VPS13A: variants seen among roughly 807,000 people sequenced by gnomAD.
The protein encoded by VPS13A is intermembrane lipid transfer protein VPS13A.
In VPS13A, 264 loss-of-function variants were observed where a neutral mutation model predicts 390.9. The observed-to-expected ratio is 0.68, with a 90% CI of 0.61 to 0.75. VPS13A has a LOEUF of 0.75. Ranked by LOEUF, VPS13A falls within the 30% of genes least tolerant of loss-of-function variation. The pLI, the probability that VPS13A is intolerant of heterozygous loss-of-function variation, is 0.00. For synonymous variants in VPS13A, 1,231 were observed against 1,227.1 expected, an observed-to-expected ratio of 1.00 and a Z score of -0.07; for missense variants, 3,409 against 3,733.9, an observed-to-expected ratio of 0.91 and a Z score of 2.27.
chr9:77,257,221 C>T (rs1825498538), intron 22 of VPS13A, among the ~76,000 whole-genome samples: 1 of 151,914 alleles, frequency 6.6e-6, no homozygotes, highest in Non-Finnish European at 1.5e-5. Flanking sequence ...CAAGTTATAA[C>T]AGTCTATTTA....
At chr9:77,181,515 C>CAA (rs1161800764) in intron 1 of VPS13A, among the ~76,000 whole-genome samples, 978 of 80,056 alleles carry the variant, frequency 0.012, 13 homozygotes, top group East Asian at 0.035. Context: ...GACCCTGCCT[C>CAA]AAAAAAAAAA....
At chr9:77,298,783 A>G (rs566052192) in intron 33 of VPS13A, among the ~76,000 whole-genome samples, 6 of 152,280 alleles carry the variant, frequency 3.9e-5, no homozygotes, top group Admixed American at 1.3e-4. Context: ...TAATTGAATC[A>G]TGAGGGTGGT....
chr9:77,407,900 T>TTAA (rs1834702769), intron 71 of VPS13A, among the ~76,000 whole-genome samples: 1 of 152,030 alleles, frequency 6.6e-6, no homozygotes, highest in Non-Finnish European at 1.5e-5. Context: ...CAAACAAAAA[T>TTAA]TAATTATTTT....
At chr9:77,346,514 G>A (rs2131527580) in intron 52 of VPS13A, among the ~76,000 whole-genome samples, 1 of 152,276 alleles carries the variant, frequency 6.6e-6, no homozygotes, top group Admixed American at 6.5e-5. Context: ...TTGCTGTGCA[G>A]TAGCTTTTTA....
In VPS13A at chr9:77,238,111, T is replaced by A; in HGVS notation, c.1705T>A (p.Phe569Ile). ...TGCAATGTCACTTTTCCAAATTACA[T>A]TTGAGATAAATCCATTAGATGAAAC... ...DDAMSLFQIT[F>I]EINPLDETVS... The change falls in exon 18 of 72, where the codon TTT becomes ATT. Residue 569 changes from phenylalanine (F) to isoleucine (I), a missense_variant. This residue lies in a region of VPS13A where 2,717 missense variants were observed against 2,917.4 expected (regional missense o/e 0.93). Coordinates refer to ENST00000360280, the MANE Select transcript of VPS13A (RefSeq NM_033305.3). 6.2e-7 allele frequency: 1 copy of A among 1,613,838 alleles called. No individual in the cohort carries two copies. Among genetic ancestry groups the A allele is most frequent in the Non-Finnish European group, 8.5e-7 (1 of 1,179,826 alleles).
chr9:77,302,958 C>T lies in VPS13A; in HGVS notation c.3856C>T (p.Leu1286Phe). ...NDAYQEVLDL[L>F]LPLNLEVVVE... Reference sequence around the variant, plus strand: ...TGCATACCAGGAAGTACTGGATCTACTCCTGCCATTAAATCTTGAGGTTGT... The same window carrying T: ...TGCATACCAGGAAGTACTGGATCTATTCCTGCCATTAAATCTTGAGGTTGT... The change falls in exon 34 of 72, where the codon CTC (leucine) becomes TTC (phenylalanine). Residue 1286 changes from leucine (L) to phenylalanine (F), a missense_variant. Leu to Phe is a conservative substitution (Grantham distance 22). Coordinates refer to ENST00000360280, the MANE Select transcript of VPS13A (RefSeq NM_033305.3). The T allele has an allele frequency of 1.9e-6, 3 of 1,613,892 alleles. No individual in the cohort carries two copies. Among genetic ancestry groups the T allele is most frequent in the Non-Finnish European group, 2.5e-6 (3 of 1,179,848 alleles).
At chr9:77,248,272 G>A (rs1379697279) in intron 20 of VPS13A, among the ~76,000 whole-genome samples, 3 of 150,392 alleles carry the variant, frequency 2.0e-5, no homozygotes, top group African/African-American at 4.9e-5. Flanking sequence ...CTGGAGTGCA[G>A]TGGCACGATC....
At chr9:77,269,404 C>A (rs1019997316) in intron 23 of VPS13A, among the ~76,000 whole-genome samples, 3 of 152,190 alleles carry the variant, frequency 2.0e-5, no homozygotes, top group African/African-American at 7.2e-5. Flanking sequence ...TCATTTCCAT[C>A]TGTTTCTGTC....
At position 77,272,885 on chromosome 9, in the gene VPS13A, A is replaced by G. The variant is rs79487871; in HGVS notation, c.2428-395A>G. Among the ~76,000 whole-genome samples, 743 of 152,332 alleles carry G rather than the reference A, an allele frequency of 4.9e-3. 6 individuals carry two copies. The highest frequency in any genetic ancestry group is 0.017 in the African/African-American group (705 of 41,586). On this transcript the variant is annotated intron_variant, in intron 23 of 71. Transcript: ENST00000360280. Reference sequence around the variant, plus strand: ...GTATTTCTCCAAACTGTAAAAAAGTAAATTTCCTGAAATACCTTTCAGAGA... The same window carrying G: ...GTATTTCTCCAAACTGTAAAAAAGTGAATTTCCTGAAATACCTTTCAGAGA...
intron 52 of VPS13A, among the ~76,000 whole-genome samples, chr9:77,348,271 C>T (rs1313482990): frequency 6.6e-6 from 1 of 152,174 alleles, no homozygotes; most frequent in Non-Finnish European, 1.5e-5. Flanking sequence ...GGTACATATA[C>T]ACCATGGATA....
chr9:77,210,741 A>G (rs952979414), intron 7 of VPS13A, 66 bp downstream of exon 7: 16 of 1,492,450 alleles, frequency 1.1e-5, no homozygotes, highest in East Asian at 9.0e-5. Context: ...AACTGCTACT[A>G]TTTGTATATG....
intron 59 of VPS13A, among the ~76,000 whole-genome samples, chr9:77,362,696 A>G (rs1165628434): frequency 6.6e-6 from 1 of 152,210 alleles, no homozygotes; most frequent in Non-Finnish European, 1.5e-5. Context: ...TCTGTAAATC[A>G]ATTTGGGAAG....
At chr9:77,221,861 A>C (rs1187945970) in intron 13 of VPS13A, among the ~76,000 whole-genome samples, 1 of 152,124 alleles carries the variant, frequency 6.6e-6, no homozygotes, top group Non-Finnish European at 1.5e-5. Flanking sequence ...GTTCTACTTA[A>C]GTCTTAGTGC....
At chr9:77,313,421 T>C (rs190691871) in intron 35 of VPS13A, among the ~76,000 whole-genome samples, 90 of 152,302 alleles carry the variant, frequency 5.9e-4, no homozygotes, top group Non-Finnish European at 9.4e-4. Context: ...TTTATCACAA[T>C]TGAAAATACA....
intron 65 of VPS13A, 92 bp from the exon 66 acceptor site, chr9:77,370,798 G>A: frequency 2.6e-6 from 4 of 1,539,380 alleles, no homozygotes; most frequent in Middle Eastern, 2.3e-4. Flanking sequence ...TATATAAAAA[G>A]CAGAACTCTG....
At chr9:77,402,244 A>G (rs1037504120) in intron 68 of VPS13A, among the ~76,000 whole-genome samples, 14 of 152,150 alleles carry the variant, frequency 9.2e-5, no homozygotes, top group African/African-American at 3.4e-4. Flanking sequence ...TCATCCTGCT[A>G]TTTTAGTTTT....
At chr9:77,238,736 T>A (rs1037701917) in intron 19 of VPS13A, among the ~76,000 whole-genome samples, 3 of 152,210 alleles carry the variant, frequency 2.0e-5, no homozygotes, top group African/African-American at 7.2e-5. Flanking sequence ...TCTATCCTTT[T>A]TTATTCTCTA....
chr9:77,339,491 T>G (rs1330025919), intron 47 of VPS13A, 25 bp from the exon 48 acceptor site: 8 of 1,468,440 alleles, frequency 5.4e-6, no homozygotes, highest in South Asian at 1.3e-5. Flanking sequence ...TAAATTTTGT[T>G]TTGTTTTTTT....
At chr9:77,312,681 C>T (rs1288238714) in intron 35 of VPS13A, among the ~76,000 whole-genome samples, 1 of 152,126 alleles carries the variant, frequency 6.6e-6, no homozygotes, top group African/African-American at 2.4e-5. Context: ...TCCCAAAGTG[C>T]TGGGATTACA....
Sources: allele counts gnomAD v4.1 joint callset (sites outside exome capture counted in the v4.1 genomes callset), GRCh38; gene constraint gnomAD v4.1.1; regional missense constraint gnomAD v4.1.1; transcripts MANE v1.5; gene names NCBI Gene and HGNC (gene_info 2026-07-23, HGNC 2026-07-21).